FYN: variants seen among roughly 807,000 people sequenced by gnomAD.
The protein encoded by FYN is tyrosine-protein kinase Fyn.
FYN carries 10 observed loss-of-function variants against 70.2 expected under a neutral mutation model. The observed-to-expected ratio is 0.14, with a 90% CI of 0.09 to 0.24. The LOEUF is 0.24. Among genes scored for constraint, FYN ranks in the 10% least tolerant of loss-of-function variants. The pLI, the probability that FYN is intolerant of heterozygous loss-of-function variation, is 1.00. For synonymous variants in FYN, 236 were observed against 248.6 expected, an observed-to-expected ratio of 0.95 and a Z score of 0.48; for missense variants, 319 against 673.1, an observed-to-expected ratio of 0.47 and a Z score of 5.82.
chr6:111,774,143 G>A (rs1250096066), intron 3 of FYN, among the ~76,000 whole-genome samples: 1 of 152,182 alleles, frequency 6.6e-6, no homozygotes, highest in East Asian at 1.9e-4. Flanking sequence ...ATAACATGCT[G>A]GCTAGCCAGG....
intron 13 of FYN, among the ~76,000 whole-genome samples, chr6:111,671,890 A>C (rs906512218): frequency 6.6e-6 from 1 of 152,214 alleles, no homozygotes; most frequent in Non-Finnish European, 1.5e-5. Context: ...TCCCTCAAGA[A>C]GAGTTTTCTG....
intron 3 of FYN, among the ~76,000 whole-genome samples, chr6:111,751,381 T>A (rs1583405532): frequency 6.6e-6 from 1 of 152,166 alleles, no homozygotes; most frequent in South Asian, 2.1e-4. Context: ...AGAATGGCCA[T>A]TTTGTCCTGG....
At chr6:111,783,400 C>T (rs2128508103) in intron 2 of FYN, among the ~76,000 whole-genome samples, 1 of 152,290 alleles carries the variant, frequency 6.6e-6, no homozygotes. Flanking sequence ...TCTTTTTATA[C>T]TTAAGGCTAT....
chr6:111,673,816 G>A (rs377216857), intron 13 of FYN, among the ~76,000 whole-genome samples: 62 of 152,200 alleles, frequency 4.1e-4, no homozygotes, highest in African/African-American at 1.4e-3. Flanking sequence ...ATCTGTCGAC[G>A]TTAATCAATT....
intron 1 of FYN, among the ~76,000 whole-genome samples, chr6:111,871,651 TAAC>T (rs1774277616): frequency 6.6e-6 from 1 of 152,228 alleles, no homozygotes; most frequent in Admixed American, 6.5e-5. Flanking sequence ...TCTTATCAAA[TAAC>T]AATTTAATTC....
At chr6:111,688,842 T>C (rs1408941545) in intron 12 of FYN, among the ~76,000 whole-genome samples, 1 of 152,130 alleles carries the variant, frequency 6.6e-6, no homozygotes, top group Non-Finnish European at 1.5e-5. Context: ...ACAGTGGATG[T>C]GTGACTCCCC....
intron 3 of FYN, among the ~76,000 whole-genome samples, chr6:111,760,450 G>A (rs977045199): frequency 1.3e-5 from 2 of 152,164 alleles, no homozygotes; most frequent in Non-Finnish European, 2.9e-5. Flanking sequence ...ACCGACAAGA[G>A]GACAGAAGAT....
chr6:111,694,284 A>AGGAAG lies in FYN; in HGVS notation c.1273+86_1273+90dup, dbSNP rs543778701. On this transcript the variant is annotated intron_variant, in intron 12 of 13. Transcript: ENST00000354650. The surrounding 1 kb of genome is among the most constrained non-coding windows in gnomAD (Gnocchi z 5.0). ...GAATGACATTTCAAGTATTTTCTGAAGGAAGGGAAGGGAAGGAGGAAGGAA... is the reference window on the plus strand; with the variant it reads ...GAATGACATTTCAAGTATTTTCTGAAGGAAGGGAAGGGAAGGGAAGGAGGAAGGAA... 2.0e-6 allele frequency: 3 copies of AGGAAG among 1,478,756 alleles called. No individual in the cohort carries two copies. Among genetic ancestry groups the AGGAAG allele is most frequent in the South Asian group, 1.2e-5 (1 of 80,924 alleles). The allele number at this position is 1,478,756 out of a possible 1,614,324, so 91.6% of individuals were successfully genotyped here.
intron 13 of FYN, among the ~76,000 whole-genome samples, chr6:111,669,916 G>GAA (rs1237673235): frequency 6.6e-5 from 10 of 151,924 alleles, no homozygotes; most frequent in African/African-American, 2.2e-4. Context: ...GTGTCATGGA[G>GAA]GCAAGCAGAA....
At chr6:111,725,114 T>G (rs191098137) in intron 3 of FYN, among the ~76,000 whole-genome samples, 1 of 152,208 alleles carries the variant, frequency 6.6e-6, no homozygotes, top group Admixed American at 6.5e-5. Flanking sequence ...GACTTCAGGA[T>G]AGAAGATTCA....
chr6:111,857,256 C>T (rs1439015816), intron 1 of FYN, among the ~76,000 whole-genome samples: 1 of 152,198 alleles, frequency 6.6e-6, no homozygotes, highest in Non-Finnish European at 1.5e-5. Context: ...CTCCTCTAAT[C>T]TCCAGCATCA....
At chr6:111,757,854 G>A (rs1227070533) in intron 3 of FYN, among the ~76,000 whole-genome samples, 1 of 152,130 alleles carries the variant, frequency 6.6e-6, no homozygotes, top group Non-Finnish European at 1.5e-5. Context: ...TATGTCCATC[G>A]GCATGGGGGC....
intron 2 of FYN, among the ~76,000 whole-genome samples, chr6:111,822,197 A>T (rs1772685965): frequency 6.6e-6 from 1 of 152,184 alleles, no homozygotes; most frequent in Non-Finnish European, 1.5e-5. Context: ...TTATTGTGGC[A>T]CTATTCACAA....
intron 2 of FYN, among the ~76,000 whole-genome samples, chr6:111,785,669 CTTT>C (rs370923944): frequency 0.011 from 1,664 of 148,662 alleles, 19 homozygotes; most frequent in Non-Finnish European, 0.016. Context: ...TTCTTTTTTT[CTTT>C]TTTTTTTATT....
chr6:111,673,639 T>C, intron 13 of FYN, among the ~76,000 whole-genome samples: 1 of 150,328 alleles, frequency 6.7e-6, no homozygotes, highest in African/African-American at 2.4e-5. Context: ...TTTTTTTTTT[T>C]TTCTTTAAGC....
chr6:111,700,958 G>A (rs555107319), intron 8 of FYN, among the ~76,000 whole-genome samples: 2 of 151,632 alleles, frequency 1.3e-5, no homozygotes, highest in South Asian at 4.2e-4. Context: ...GATACTCCTG[G>A]GCTGCTTCTT....
intron 1 of FYN, among the ~76,000 whole-genome samples, chr6:111,857,513 T>C (rs917742125): frequency 1.3e-5 from 2 of 152,212 alleles, no homozygotes; most frequent in Non-Finnish European, 2.9e-5. Flanking sequence ...AAAAATGGTA[T>C]ACTATAAGAG....
At chr6:111,742,068 G>A (rs1337984772) in intron 3 of FYN, among the ~76,000 whole-genome samples, 1 of 152,172 alleles carries the variant, frequency 6.6e-6, no homozygotes, top group African/African-American at 2.4e-5. Context: ...AGTTCCAACT[G>A]AAAAAGAAGG....
chr6:111,785,387 G>A (rs1386488422), intron 2 of FYN, among the ~76,000 whole-genome samples: 4 of 152,200 alleles, frequency 2.6e-5, no homozygotes, highest in Non-Finnish European at 5.9e-5. Context: ...CACTGAATAT[G>A]AAATGTTTGT....
Sources: allele counts gnomAD v4.1 joint callset (sites outside exome capture counted in the v4.1 genomes callset), GRCh38; gene constraint gnomAD v4.1.1; non-coding constraint Gnocchi (gnomAD v3.1); transcripts MANE v1.5; gene names NCBI Gene and HGNC (gene_info 2026-07-23, HGNC 2026-07-21).